FBXL20: variants seen among roughly 807,000 people sequenced by gnomAD.
The protein encoded by FBXL20 is F-box/LRR-repeat protein 20.
In FBXL20, 11 loss-of-function variants were observed where a neutral mutation model predicts 64.0. The observed-to-expected ratio is 0.17, with a 90% CI of 0.11 to 0.28. The LOEUF (loss-of-function observed/expected upper bound fraction) is 0.28, where lower values mean the gene tolerates loss of function less well. Ranked by LOEUF, FBXL20 falls within the 10% of genes least tolerant of loss-of-function variation. The pLI, the probability that FBXL20 is intolerant of heterozygous loss-of-function variation, is 1.00. For missense variants in FBXL20, 303 were observed against 526.2 expected (o/e 0.58, Z 4.15); for synonymous variants, 184 against 189.0 (o/e 0.97, Z 0.22).
chr17:39,397,636 G>C (rs953959003), intron 1 of FBXL20, among the ~76,000 whole-genome samples: 2 of 152,136 alleles, frequency 1.3e-5, no homozygotes, highest in African/African-American at 4.8e-5. Flanking sequence ...TAAGTGTTAA[G>C]ATAATGTCAG....
rs571631928 is a variant in FBXL20 at position 39,356,803 on chromosome 17, G to A, written c.43-13562C>T. On this transcript the variant is annotated intron_variant, in intron 1 of 14. Coordinates refer to ENST00000264658, the MANE Select transcript of FBXL20 (RefSeq NM_032875.3). ...CCTGAGAAGCTGGAACTACGGGTGC[G>A]TGCCACCACACCTGGCTAATTTTTT... Among the ~76,000 whole-genome samples the A allele has an allele frequency of 1.3e-4, 19 of 149,090 alleles. 1 individual carries two copies. In the South Asian group the frequency reaches 3.1e-3, roughly 25 times the overall value.
intron 2 of FBXL20, among the ~76,000 whole-genome samples, chr17:39,311,383 CTT>C (rs761303157): frequency 1.3e-4 from 20 of 151,984 alleles, no homozygotes; most frequent in Non-Finnish European, 1.3e-4. Context: ...TTTTTCATCT[CTT>C]TGTTTCCAAG....
chr17:39,304,936 T>C (rs1399690853), intron 2 of FBXL20, among the ~76,000 whole-genome samples: 3 of 152,118 alleles, frequency 2.0e-5, no homozygotes, highest in Admixed American at 6.6e-5. Flanking sequence ...TTTGTGTTTT[T>C]AGTAGAGATG....
At chr17:39,329,535 A>G (rs906423029) in intron 2 of FBXL20, among the ~76,000 whole-genome samples, 7 of 152,178 alleles carry the variant, frequency 4.6e-5, no homozygotes, top group African/African-American at 1.7e-4. Flanking sequence ...GTACTGTGCC[A>G]ATGCTCGTTA....
In FBXL20 at chr17:39,332,137, T is replaced by G. The variant is rs192070290; in HGVS notation, c.104+11043A>C. Among the ~76,000 whole-genome samples, 9 of 152,342 alleles carry G rather than the reference T, an allele frequency of 5.9e-5. No individual in the cohort carries two copies. The East Asian group carries it at 1.7e-3, about 29-fold the overall frequency. On this transcript the variant is annotated intron_variant, in intron 2 of 14. Transcript: ENST00000264658. Reference sequence around the variant, plus strand: ...TTTCAAAGGAAGGAAAACACAGACTTGTATTTTTCCACACCTTCAACTCCT... The same window carrying G: ...TTTCAAAGGAAGGAAAACACAGACTGGTATTTTTCCACACCTTCAACTCCT...
intron 1 of FBXL20, among the ~76,000 whole-genome samples, chr17:39,387,782 TGCTCAAGCTGGTCTTGAACTCCTGG>T (rs1288189354): frequency 6.6e-6 from 1 of 151,952 alleles, no homozygotes. Flanking sequence ...CTCACTATAT[TGCTCAAGCTGGTCTTGAACTCCTGG>T]GCTCAAGCGA....
At chr17:39,394,278 CTT>C (rs529406292) in intron 1 of FBXL20, among the ~76,000 whole-genome samples, 17 of 134,230 alleles carry the variant, frequency 1.3e-4, no homozygotes, top group Admixed American at 3.1e-4. Context: ...ATTACTGAAA[CTT>C]TTTTTTTTTT....
At chr17:39,317,429 A>ACCATGTTGGC (rs2047303710) in intron 2 of FBXL20, among the ~76,000 whole-genome samples, 1 of 151,896 alleles carries the variant, frequency 6.6e-6, no homozygotes, top group Non-Finnish European at 1.5e-5. Context: ...ATGGGGTTTC[A>ACCATGTTGGC]CCATGTTGGC....
intron 1 of FBXL20, among the ~76,000 whole-genome samples, chr17:39,368,128 C>G (rs1309636405): frequency 6.6e-6 from 1 of 152,146 alleles, no homozygotes; most frequent in Non-Finnish European, 1.5e-5. Context: ...GTGGCTTACT[C>G]CTATAATCTC....
intron 1 of FBXL20, among the ~76,000 whole-genome samples, chr17:39,364,694 C>G (rs1178170312): frequency 2.0e-5 from 3 of 152,214 alleles, no homozygotes; most frequent in Non-Finnish European, 4.4e-5. Context: ...AAGCTTTACC[C>G]TCTTGACAGA....
At position 39,255,540 on chromosome 17, in the gene FBXL20, G is replaced by A. The variant is rs570972944; in HGVS notation, c.*5920C>T. ...TCACTTGCCTCTTATGGTACTTTCA[G>A]GCAGGTAGAATGTTTATCCTGGGCT... On this transcript the variant is annotated 3_prime_UTR_variant, in exon 15 of 15. Coordinates refer to ENST00000264658, the MANE Select transcript of FBXL20 (RefSeq NM_032875.3). 6.6e-6 allele frequency: 1 copy of A among 151,680 alleles called. No homozygotes were observed. The highest frequency in any genetic ancestry group is 2.0e-4 in the East Asian group (1 of 5,074). The allele number at this position is 151,680 out of a possible 1,614,324, so 9.4% of individuals were successfully genotyped here.
chr17:39,385,366 GGT>G, intron 1 of FBXL20, among the ~76,000 whole-genome samples: 1 of 152,118 alleles, frequency 6.6e-6, no homozygotes, highest in East Asian at 1.9e-4. Context: ...TGGGGAATGA[GGT>G]GGGGAGAAGA....
intron 1 of FBXL20, among the ~76,000 whole-genome samples, chr17:39,390,386 C>T (rs2048122858): frequency 6.6e-6 from 1 of 151,922 alleles, no homozygotes; most frequent in Non-Finnish European, 1.5e-5. Context: ...CATGGTGAAA[C>T]CCCGTTTCTA....
chr17:39,332,385 CAATATTT>C (rs1433540985), intron 2 of FBXL20, among the ~76,000 whole-genome samples: 1 of 152,102 alleles, frequency 6.6e-6, no homozygotes, highest in East Asian at 1.9e-4. Context: ...CTCTAATGGA[CAATATTT>C]CACATGTGTC....
rs1350145663 is a variant in FBXL20, at chr17:39,255,287, A to G, written c.*6173T>C. ...CCCGTCTCTACTAAAAATACAAAAA[A>G]TTAGCCGGGCGTGGTGGCGGGAGCC... On this transcript the variant is annotated 3_prime_UTR_variant, in exon 15 of 15. Coordinates refer to ENST00000264658, the MANE Select transcript of FBXL20 (RefSeq NM_032875.3). 4 of 151,812 alleles carry G rather than the reference A, an allele frequency of 2.6e-5. No homozygotes were observed. Among genetic ancestry groups the G allele is most frequent in the African/African-American group, 9.7e-5 (4 of 41,290 alleles). 9.4% of individuals were successfully genotyped at this position (151,812 alleles called of 1,614,324 possible). A position where few individuals can be genotyped will look rare whatever the true frequency, so the allele number is the denominator to read the frequency against.
chr17:39,290,410 T>C (rs1008481164), intron 6 of FBXL20, among the ~76,000 whole-genome samples: 13 of 152,172 alleles, frequency 8.5e-5, no homozygotes, highest in African/African-American at 3.1e-4. Flanking sequence ...ATCCAGTACA[T>C]GTTGAACAGC....
chr17:39,266,611 T>C (rs2046794878), intron 12 of FBXL20, among the ~76,000 whole-genome samples: 1 of 152,180 alleles, frequency 6.6e-6, no homozygotes, highest in Non-Finnish European at 1.5e-5. Context: ...GCTTCTAAAG[T>C]GCTGGGATTA....
intron 1 of FBXL20, among the ~76,000 whole-genome samples, chr17:39,362,549 C>A (rs1316569537): frequency 6.6e-6 from 1 of 150,750 alleles, no homozygotes; most frequent in African/African-American, 2.4e-5. Flanking sequence ...TCTCGAACTC[C>A]CGACCTCAGG....
At position 39,257,087 on chromosome 17, in the gene FBXL20, C is replaced by A. The variant is rs2046703026; in HGVS notation, c.*4373G>T. The A allele has an allele frequency of 6.6e-6, 1 of 152,090 alleles. No homozygotes were observed. Among genetic ancestry groups the A allele is most frequent in the African/African-American group, 2.4e-5 (1 of 41,390 alleles). 9.4% of individuals were successfully genotyped at this position (152,090 alleles called of 1,614,324 possible). On this transcript the variant is annotated 3_prime_UTR_variant, in exon 15 of 15. Transcript: ENST00000264658. ...GCAACCTCCACCTCCCGGGTTCAAG[C>A]AATTCTCTGCCTCAGCCTCCCGAGT...
Sources: allele counts gnomAD v4.1 joint callset (sites outside exome capture counted in the v4.1 genomes callset), GRCh38; gene constraint gnomAD v4.1.1; transcripts MANE v1.5; gene names NCBI Gene and HGNC (gene_info 2026-07-23, HGNC 2026-07-21).